Variants in INSC observed in about 807,000 individuals in gnomAD.
INSC encodes the protein INSC spindle orientation adaptor protein.
Under a neutral mutation model 58.6 loss-of-function variants are expected in INSC, and 67 were observed. The ratio of observed to expected loss-of-function variants is 1.14; its 90% CI spans 0.94 to 1.40. The LOEUF is 1.40. Ranked by LOEUF, INSC falls within the 40% of genes most tolerant of loss-of-function variation. The probability of loss-of-function intolerance (pLI) is 0.00; values close to 1 mark genes in which losing one functional copy is unlikely to be tolerated. For missense variants in INSC, 714 were observed against 692.0 expected (o/e 1.03, Z -0.36); for synonymous variants, 262 against 276.1 (o/e 0.95, Z 0.51).
At chr11:15,123,923 G>A (rs1026025813) in intron 1 of INSC, among the ~76,000 whole-genome samples, 1 of 152,188 alleles carries the variant, frequency 6.6e-6, no homozygotes, top group African/African-American at 2.4e-5. Flanking sequence ...CTAGACATAT[G>A]CTTAAAGGAG....
At chr11:15,239,300 A>G (rs1852252394) in intron 11 of INSC, among the ~76,000 whole-genome samples, 1 of 152,200 alleles carries the variant, frequency 6.6e-6, no homozygotes, top group Admixed American at 6.5e-5. Context: ...AAAGTTGGCC[A>G]GAACAGTGAC....
At chr11:15,260,643 T>C in the INSC span, among the ~76,000 whole-genome samples, 1 of 152,204 alleles carries the variant, frequency 6.6e-6, no homozygotes, top group South Asian at 2.1e-4. Flanking sequence ...TGTTTTGTTA[T>C]TCCTATATTT....
chr11:15,200,763 T>C (rs961593946), intron 6 of INSC, 61 bp from the exon 7 acceptor site: 2 of 1,605,792 alleles, frequency 1.2e-6, no homozygotes, highest in Non-Finnish European at 1.7e-6. Context: ...TCACTTATTC[T>C]TGAGTTAGCC....
intron 2 of INSC, among the ~76,000 whole-genome samples, chr11:15,174,717 C>T (rs1202384318): frequency 2.6e-5 from 4 of 152,176 alleles, no homozygotes; most frequent in Non-Finnish European, 4.4e-5. Flanking sequence ...TTGTTATTGT[C>T]TTTTTAGTTT....
intron 12 of INSC, among the ~76,000 whole-genome samples, chr11:15,245,692 A>C (rs1360079664): frequency 2.6e-5 from 4 of 152,220 alleles, no homozygotes; most frequent in Admixed American, 6.5e-5. Flanking sequence ...CTTAGTGATC[A>C]AGGTGCAAAT....
At chr11:15,137,887 G>T (rs1158453534) in intron 1 of INSC, among the ~76,000 whole-genome samples, 1 of 152,142 alleles carries the variant, frequency 6.6e-6, no homozygotes, top group African/African-American at 2.4e-5. Flanking sequence ...GGCACAAGAG[G>T]CCTAGATTTT....
At chr11:15,184,215 AT>A (rs34078033) in intron 5 of INSC, among the ~76,000 whole-genome samples, 111,022 of 151,792 alleles carry the variant, frequency 0.73, 41,360 homozygotes, top group East Asian at 0.99. Flanking sequence ...ATTATTACAA[AT>A]TTCAGTAAAT....
At chr11:15,120,410 A>G (rs145898939) in intron 1 of INSC, among the ~76,000 whole-genome samples, 2 of 152,280 alleles carry the variant, frequency 1.3e-5, no homozygotes, top group African/African-American at 2.4e-5. Flanking sequence ...ATGTAGCAGC[A>G]AGGAAGTGTT....
chr11:15,225,910 C>T lies in INSC; in HGVS notation c.1170+82C>T. The T allele has an allele frequency of 2.2e-6, 3 of 1,394,574 alleles. No homozygotes were observed. In the South Asian group the frequency reaches 4.0e-5, roughly 19 times the overall value. The allele number at this position is 1,394,574 out of a possible 1,614,324, so 86.4% of individuals were successfully genotyped here. ...GGAGGCCAGCACGTAGTTTCTGAGG[C>T]AGGGGAGAGAGCATGGGAGTCCTGT... On this transcript the variant is annotated intron_variant, in intron 9 of 12. Transcript: ENST00000379556.
chr11:15,225,785 G>T lies in INSC; in HGVS notation c.1127G>T (p.Cys376Phe), dbSNP rs2133942558. The T allele has an allele frequency of 1.2e-6, 2 of 1,613,822 alleles. No individual in the cohort carries two copies. Among genetic ancestry groups the T allele is most frequent in the Non-Finnish European group, 1.7e-6 (2 of 1,179,890 alleles). Residue 376 changes from cysteine to phenylalanine, a missense_variant, in exon 9 of 13, where the codon TGC becomes TTC. Cys to Phe is a radical substitution (Grantham distance 205, BLOSUM62 -2). Transcript: ENST00000379556. ...LNAIRVLLEA[C>F]SDKQRVDTPY... The stretch of plus-strand genomic sequence containing the variant: ...GCCATCCGTGTTCTCCTGGAAGCCT[G>T]CAGTGACAAGCAGAGAGTGGACACG...
chr11:15,232,368 G>A (rs1253733595), intron 9 of INSC, among the ~76,000 whole-genome samples: 3 of 152,104 alleles, frequency 2.0e-5, no homozygotes, highest in Non-Finnish European at 4.4e-5. Context: ...TTTAACAAAG[G>A]GTGCTTGATA....
chr11:15,240,667 A>G (rs1852314830), intron 12 of INSC, 144 bp downstream of exon 12: 1 of 660,652 alleles, frequency 1.5e-6, no homozygotes, highest in South Asian at 1.7e-5. Context: ...GATTGTGAAC[A>G]TTGTAATATT....
At chr11:15,194,723 G>A (rs1399294048) in intron 6 of INSC, among the ~76,000 whole-genome samples, 1 of 152,216 alleles carries the variant, frequency 6.6e-6, no homozygotes, top group East Asian at 1.9e-4. Flanking sequence ...AATGGTTTAA[G>A]GAGCTTATTC....
intron 2 of INSC, among the ~76,000 whole-genome samples, chr11:15,155,551 C>T (rs1848787155): frequency 6.6e-6 from 1 of 152,178 alleles, no homozygotes; most frequent in Non-Finnish European, 1.5e-5. Flanking sequence ...GGACCATATT[C>T]TCACATCTCT....
chr11:15,255,933 T>G, the INSC span, among the ~76,000 whole-genome samples: 2 of 152,198 alleles, frequency 1.3e-5, no homozygotes, highest in Non-Finnish European at 1.5e-5. Flanking sequence ...CCTATGTGGT[T>G]AACATGGCAT....
chr11:15,205,559 C>T (rs549714846), intron 7 of INSC, among the ~76,000 whole-genome samples: 191 of 152,160 alleles, frequency 1.3e-3, no homozygotes, highest in African/African-American at 4.4e-3. Flanking sequence ...ATCACTTGGA[C>T]TTTGAAAATG....
At chr11:15,228,100 C>T (rs1729504337) in intron 9 of INSC, among the ~76,000 whole-genome samples, 3 of 152,170 alleles carry the variant, frequency 2.0e-5, no homozygotes, top group Admixed American at 2.0e-4. Context: ...ACTCTTGGTA[C>T]AGACTCTGGC....
At chr11:15,113,148 TCTC>T (rs1847616020), upstream of INSC, among the ~76,000 whole-genome samples, 1 of 133,960 alleles carries the variant, frequency 7.5e-6, no homozygotes, top group African/African-American at 2.6e-5. Context: ...TTTCTTTCTG[TCTC>T]TCTCTCTCTC....
At chr11:15,266,095 G>T in the INSC span, among the ~76,000 whole-genome samples, 1 of 151,818 alleles carries the variant, frequency 6.6e-6, no homozygotes. Context: ...CAGAATATAG[G>T]ATTGAAATCT....
Sources: allele counts gnomAD v4.1 joint callset (sites outside exome capture counted in the v4.1 genomes callset), GRCh38; gene constraint gnomAD v4.1.1; transcripts MANE v1.5; gene names NCBI Gene and HGNC (gene_info 2026-07-23, HGNC 2026-07-21).